Variants in LOC128462377 observed in about 807,000 individuals in gnomAD.
the LOC128462377 span, among the ~76,000 whole-genome samples, chr16:89,363,577 A>C: frequency 6.6e-6 from 1 of 152,240 alleles, no homozygotes; most frequent in Admixed American, 6.5e-5. Flanking sequence ...AGAATCTAGG[A>C]GAAACCACCA....
At chr16:89,389,533 G>A in the LOC128462377 span, among the ~76,000 whole-genome samples, 61 of 152,110 alleles carry the variant, frequency 4.0e-4, no homozygotes, top group South Asian at 2.1e-4. Context: ...CTAAAAACAC[G>A]GAAGCTAGGA....
At chr16:89,403,385 T>C in the LOC128462377 span, among the ~76,000 whole-genome samples, 18 of 151,968 alleles carry the variant, frequency 1.2e-4, no homozygotes, top group African/African-American at 3.9e-4. Flanking sequence ...TGTCTGAGGA[T>C]AGGAAGCAGC....
the LOC128462377 span, among the ~76,000 whole-genome samples, chr16:89,349,595 A>G: frequency 6.6e-6 from 1 of 152,218 alleles, no homozygotes; most frequent in Admixed American, 6.5e-5. Context: ...ATAATTGAAT[A>G]TCCTCATGCA....
the LOC128462377 span, among the ~76,000 whole-genome samples, chr16:89,405,076 C>G: frequency 6.6e-6 from 1 of 152,054 alleles, no homozygotes; most frequent in African/African-American, 2.4e-5. Flanking sequence ...CCGTCACACG[C>G]TCTCACAGGA....
At chr16:89,344,805 G>C in the LOC128462377 span, among the ~76,000 whole-genome samples, 1 of 152,186 alleles carries the variant, frequency 6.6e-6, no homozygotes, top group Non-Finnish European at 1.5e-5. Flanking sequence ...TGGAGCAGCA[G>C]CTCCCACCCA....
the LOC128462377 span, among the ~76,000 whole-genome samples, chr16:89,402,576 G>A: frequency 6.6e-6 from 1 of 151,240 alleles, no homozygotes; most frequent in Non-Finnish European, 1.5e-5. Context: ...CAGCTACTCG[G>A]GAGGCTGAGG....
chr16:89,404,261 C>T, the LOC128462377 span, among the ~76,000 whole-genome samples: 2 of 152,130 alleles, frequency 1.3e-5, no homozygotes, highest in Admixed American at 1.3e-4. Flanking sequence ...TCCTATCCAC[C>T]CTCACCAAGG....
the LOC128462377 span, among the ~76,000 whole-genome samples, chr16:89,328,001 T>C: frequency 6.6e-6 from 1 of 152,232 alleles, no homozygotes; most frequent in Non-Finnish European, 1.5e-5. Flanking sequence ...AGCAGGCTTG[T>C]ATGTAGAAGA....
At chr16:89,328,478 C>T in the LOC128462377 span, among the ~76,000 whole-genome samples, 1 of 152,388 alleles carries the variant, frequency 6.6e-6, no homozygotes, top group South Asian at 2.1e-4. Flanking sequence ...AACTGGGTTT[C>T]ATTCACATCA....
chr16:89,333,570 C>A, the LOC128462377 span, among the ~76,000 whole-genome samples: 1 of 152,234 alleles, frequency 6.6e-6, no homozygotes, highest in East Asian at 1.9e-4. Flanking sequence ...TTTGTGCTGT[C>A]TGCACAGTTT....
At chr16:89,392,452 T>C in the LOC128462377 span, 2 of 152,094 alleles carry the variant, frequency 1.3e-5, no homozygotes, top group African/African-American at 4.8e-5. Flanking sequence ...GGGTAAACGA[T>C]GGAAATAAGA....
chr16:89,342,310 A>T, the LOC128462377 span, among the ~76,000 whole-genome samples: 2 of 152,276 alleles, frequency 1.3e-5, no homozygotes, highest in East Asian at 3.8e-4. Context: ...CAGACCTCAG[A>T]ACCAGCTTCT....
the LOC128462377 span, among the ~76,000 whole-genome samples, chr16:89,410,000 C>T: frequency 1.3e-5 from 2 of 152,062 alleles, no homozygotes; most frequent in Non-Finnish European, 1.5e-5. Context: ...CCACCACGCC[C>T]GGCTAATTTT....
chr16:89,346,252 A>G, the LOC128462377 span, among the ~76,000 whole-genome samples: 3 of 137,476 alleles, frequency 2.2e-5, no homozygotes, highest in African/African-American at 8.7e-5. Flanking sequence ...CGTCTCAGGA[A>G]AAAAAAAAAA....
chr16:89,345,149 A>AT, the LOC128462377 span, among the ~76,000 whole-genome samples: 1 of 152,174 alleles, frequency 6.6e-6, no homozygotes, highest in African/African-American at 2.4e-5. Flanking sequence ...GAAATGGAAA[A>AT]GGCAAACTCC....
At chr16:89,412,843 T>C in the LOC128462377 span, among the ~76,000 whole-genome samples, 1 of 152,098 alleles carries the variant, frequency 6.6e-6, no homozygotes, top group Non-Finnish European at 1.5e-5. Flanking sequence ...AAAAAGCCAT[T>C]CTCAGTCCCC....
At chr16:89,397,192 C>A in the LOC128462377 span, among the ~76,000 whole-genome samples, 1 of 152,160 alleles carries the variant, frequency 6.6e-6, no homozygotes, top group Non-Finnish European at 1.5e-5. Context: ...CGTCCAACGG[C>A]GTCTCACAGT....
the LOC128462377 span, among the ~76,000 whole-genome samples, chr16:89,373,743 C>T: frequency 5.3e-5 from 8 of 152,250 alleles, no homozygotes; most frequent in Admixed American, 4.6e-4. Flanking sequence ...ATGCACACGA[C>T]ACCCCTCCCA....
the LOC128462377 span, among the ~76,000 whole-genome samples, chr16:89,401,274 T>G: frequency 6.6e-6 from 1 of 152,124 alleles, no homozygotes; most frequent in South Asian, 2.1e-4. Flanking sequence ...AGACCGGGTT[T>G]CGCCATGTTA....
Sources: allele counts gnomAD v4.1 joint callset (sites outside exome capture counted in the v4.1 genomes callset), GRCh38; gene constraint gnomAD v4.1.1; transcripts MANE v1.5.